The following HS6ST3 variants were observed in gnomAD, a reference collection of about 807,000 sequenced individuals.
HS6ST3 encodes heparan-sulfate 6-O-sulfotransferase 3.
A neutral mutation model predicts 36.7 loss-of-function variants in HS6ST3; 12 were observed. That is an observed-to-expected ratio of 0.33 (90% CI 0.21 to 0.53). The LOEUF (loss-of-function observed/expected upper bound fraction) is 0.53, where lower values mean the gene tolerates loss of function less well. Among genes scored for constraint, HS6ST3 ranks in the 20% least tolerant of loss-of-function variants. The probability of loss-of-function intolerance (pLI) is 0.95; values close to 1 mark genes in which losing one functional copy is unlikely to be tolerated. For synonymous variants in HS6ST3, 240 were observed against 257.5 expected (o/e 0.93, Z 0.65); for missense variants, 584 against 640.9 (o/e 0.91, Z 0.96).
At chr13:96,449,149 A>T (rs892509238) in intron 1 of HS6ST3, among the ~76,000 whole-genome samples, 9 of 152,074 alleles carry the variant, frequency 5.9e-5, no homozygotes, top group Admixed American at 5.9e-4. Flanking sequence ...TTTCATTGAG[A>T]CCAGATCTCA....
intron 1 of HS6ST3, among the ~76,000 whole-genome samples, chr13:96,558,830 C>T (rs1473354845): frequency 6.6e-6 from 1 of 152,030 alleles, no homozygotes; most frequent in Non-Finnish European, 1.5e-5. Context: ...TTTTATTACT[C>T]TTATTATTTA....
intron 1 of HS6ST3, among the ~76,000 whole-genome samples, chr13:96,228,303 G>C (rs1358567699): frequency 6.6e-6 from 1 of 152,164 alleles, no homozygotes; most frequent in African/African-American, 2.4e-5. Context: ...GTGTCACTCA[G>C]GCTGGAGTGC....
Position 96,694,257 on chromosome 13 carries a change from T to A in HS6ST3, c.708-138233T>A, listed in dbSNP as rs541736. On this transcript the variant is annotated intron_variant, in intron 1 of 1. Transcript: ENST00000376705. ...TTAGCTCCCACTTATAAGTGAGAAC[T>A]TGTAGTATTTGGTTTTCTGTTCCTG... Among the ~76,000 whole-genome samples, 1,443 of 152,242 alleles carry A rather than the reference T, an allele frequency of 9.5e-3. 21 individuals carry two copies. Among genetic ancestry groups the A allele is most frequent in the African/African-American group, 0.032 (1,335 of 41,554 alleles).
intron 1 of HS6ST3, among the ~76,000 whole-genome samples, chr13:96,123,598 C>A (rs1220296516): frequency 6.6e-6 from 1 of 152,132 alleles, no homozygotes; most frequent in African/African-American, 2.4e-5. Context: ...GAGAGCAACA[C>A]AAATGTTAAG....
At chr13:96,469,882 T>A (rs1391958058) in intron 1 of HS6ST3, among the ~76,000 whole-genome samples, 1 of 152,212 alleles carries the variant, frequency 6.6e-6, no homozygotes, top group Non-Finnish European at 1.5e-5. Flanking sequence ...ATTTCTGTGC[T>A]CTGGTCATTT....
At chr13:96,637,422 C>T (rs1055301275) in intron 1 of HS6ST3, among the ~76,000 whole-genome samples, 9 of 152,070 alleles carry the variant, frequency 5.9e-5, no homozygotes, top group Non-Finnish European at 8.8e-5. Context: ...ATTTTGAGGT[C>T]TTGACAAAGT....
intron 1 of HS6ST3, among the ~76,000 whole-genome samples, chr13:96,235,051 A>C (rs2054527784): frequency 6.6e-6 from 1 of 152,208 alleles, no homozygotes; most frequent in Non-Finnish European, 1.5e-5. Flanking sequence ...TAAATTGCAT[A>C]AATAACTCTC....
intron 1 of HS6ST3, among the ~76,000 whole-genome samples, chr13:96,479,680 T>C (rs935394674): frequency 1.3e-5 from 2 of 152,170 alleles, no homozygotes; most frequent in African/African-American, 4.8e-5. Flanking sequence ...GACAAGCAGA[T>C]GGTATTAGAT....
chr13:96,643,393 A>C (rs966227415), intron 1 of HS6ST3, among the ~76,000 whole-genome samples: 1 of 151,910 alleles, frequency 6.6e-6, no homozygotes, highest in African/African-American at 2.4e-5. Context: ...ACACCCCTAC[A>C]CATGCACAAG....
chr13:96,602,387 A>C (rs1409855361), intron 1 of HS6ST3, among the ~76,000 whole-genome samples: 2 of 152,084 alleles, frequency 1.3e-5, no homozygotes, highest in African/African-American at 4.8e-5. Context: ...TATTTTTAAT[A>C]ATAGGTACTT....
At chr13:96,396,145 C>T (rs1012943874) in intron 1 of HS6ST3, among the ~76,000 whole-genome samples, 1 of 152,010 alleles carries the variant, frequency 6.6e-6, no homozygotes, top group African/African-American at 2.4e-5. Context: ...GAAACCCTGT[C>T]TCTACTAAAA....
At chr13:96,561,839 A>G (rs781753522) in intron 1 of HS6ST3, among the ~76,000 whole-genome samples, 6 of 152,200 alleles carry the variant, frequency 3.9e-5, no homozygotes, top group Admixed American at 1.3e-4. Flanking sequence ...ACCATTTCAC[A>G]TCAGTCAGAA....
At chr13:96,601,715 G>A (rs147910571) in intron 1 of HS6ST3, among the ~76,000 whole-genome samples, 3 of 152,056 alleles carry the variant, frequency 2.0e-5, no homozygotes, top group Non-Finnish European at 4.4e-5. Context: ...TATTTTTCTG[G>A]TTACTTCTCA....
chr13:96,810,619 G>C (rs1653571365), intron 1 of HS6ST3, among the ~76,000 whole-genome samples: 2 of 152,206 alleles, frequency 1.3e-5, no homozygotes, highest in African/African-American at 4.8e-5. Context: ...ATTTGTTCAA[G>C]TAAGTGGTGT....
chr13:96,658,842 A>T (rs2139018000), intron 1 of HS6ST3, among the ~76,000 whole-genome samples: 1 of 152,166 alleles, frequency 6.6e-6, no homozygotes, highest in South Asian at 2.1e-4. Flanking sequence ...ACTAGCTGGG[A>T]TTACAGGCAT....
intron 1 of HS6ST3, among the ~76,000 whole-genome samples, chr13:96,174,967 T>G (rs2054205522): frequency 6.6e-6 from 1 of 152,228 alleles, no homozygotes; most frequent in African/African-American, 2.4e-5. Context: ...AGATAAGCAT[T>G]CTTTACCATA....
chr13:96,730,918 G>T (rs1162177532), intron 1 of HS6ST3, among the ~76,000 whole-genome samples: 1 of 152,090 alleles, frequency 6.6e-6, no homozygotes, highest in Non-Finnish European at 1.5e-5. Flanking sequence ...TTTTTGTAGA[G>T]ATGAGGTCAC....
intron 1 of HS6ST3, among the ~76,000 whole-genome samples, chr13:96,758,229 G>C (rs1417643503): frequency 6.6e-6 from 1 of 151,832 alleles, no homozygotes; most frequent in Non-Finnish European, 1.5e-5. Context: ...TTGCAATAAA[G>C]TTGTTCCTTT....
At chr13:96,213,253 A>G (rs1025317824) in intron 1 of HS6ST3, among the ~76,000 whole-genome samples, 2 of 152,348 alleles carry the variant, frequency 1.3e-5, no homozygotes, top group East Asian at 1.9e-4. Flanking sequence ...TCATGTAGCC[A>G]TATAAAGGAA....
Sources: allele counts gnomAD v4.1 joint callset (sites outside exome capture counted in the v4.1 genomes callset), GRCh38; gene constraint gnomAD v4.1.1; transcripts MANE v1.5; gene names NCBI Gene and HGNC (gene_info 2026-07-23, HGNC 2026-07-21).